The following ZFHX4 variants were observed in gnomAD, a reference collection of about 807,000 sequenced individuals.
ZFHX4 encodes the protein zinc finger homeobox protein 4.
In ZFHX4, 56 loss-of-function variants were observed where a neutral mutation model predicts 267.6. The ratio of observed to expected loss-of-function variants is 0.21; its 90% confidence interval spans 0.17 to 0.26. ZFHX4 has a LOEUF of 0.26. Ranked by LOEUF, ZFHX4 falls within the 10% of genes least tolerant of loss-of-function variation. The pLI, the probability that ZFHX4 is intolerant of heterozygous loss-of-function variation, is 1.00. For synonymous variants in ZFHX4, 1,778 were observed against 1,665.6 expected (o/e 1.07, Z -1.64); for missense variants, 4,332 against 4,420.0 (o/e 0.98, Z 0.56).
At position 76,681,359 on chromosome 8, in the gene ZFHX4, C is replaced by T; in HGVS notation, c.-308C>T. 2.5e-6 allele frequency: 1 copy of T among 398,890 alleles called. No individual in the cohort carries two copies. 24.7% of individuals were successfully genotyped at this position (398,890 alleles called of 1,614,324 possible). ...ATTTTCATTTCCTTTCCTCCTTTTC[C>T]CAACCCCTTCACAACCAAACAGCGA... On this transcript the variant is annotated 5_prime_UTR_variant, in exon 1 of 11. Transcript: ENST00000651372.
Position 76,851,664 on chromosome 8 carries a change from A to C in ZFHX4, c.4743A>C (p.Pro1581=), listed in dbSNP as rs1812526217. ...TGCAGGAAGCCTCCAGTCCTGTCCC[A>C]CAAGAAACCAACAGCAACACAGATA... ...KVLQEASSPV[P]QETNSNTDNK... Residue 1581 remains proline, a synonymous_variant, in exon 10 of 11, where the codon CCA becomes CCC. Transcript: ENST00000651372. The C allele has an allele frequency of 1.2e-6, 2 of 1,613,814 alleles. No homozygotes were observed. Among genetic ancestry groups the C allele is most frequent in the South Asian group, 2.2e-5 (2 of 91,092 alleles).
At chr8:76,847,323 T>A (rs1268474297) in intron 6 of ZFHX4, among the ~76,000 whole-genome samples, 4 of 152,142 alleles carry the variant, frequency 2.6e-5, no homozygotes. Flanking sequence ...CGATATCAAA[T>A]ACTTGGGCAT....
intron 4 of ZFHX4, among the ~76,000 whole-genome samples, chr8:76,792,000 A>G (rs1405852431): frequency 6.6e-6 from 1 of 152,152 alleles, no homozygotes; most frequent in Non-Finnish European, 1.5e-5. Context: ...TAAAATTTGA[A>G]TTGTATTTTT....
chr8:76,728,281 G>A (rs952695963), intron 3 of ZFHX4, among the ~76,000 whole-genome samples: 16 of 152,142 alleles, frequency 1.1e-4, no homozygotes, highest in African/African-American at 3.6e-4. Flanking sequence ...ATGTTGTGGA[G>A]GTGGAGGATA....
At chr8:76,766,041 G>T (rs536792633) in intron 3 of ZFHX4, among the ~76,000 whole-genome samples, 1 of 151,658 alleles carries the variant, frequency 6.6e-6, no homozygotes, top group East Asian at 2.0e-4. Context: ...AATATCCTTC[G>T]GTGATAGAAG....
intron 3 of ZFHX4, among the ~76,000 whole-genome samples, chr8:76,722,135 G>C (rs1044050318): frequency 3.3e-5 from 5 of 151,918 alleles, no homozygotes; most frequent in Non-Finnish European, 7.4e-5. Flanking sequence ...GATTGACATG[G>C]GTATGATGAG....
chr8:76,835,209 G>GTA (rs1554572124), intron 5 of ZFHX4, among the ~76,000 whole-genome samples: 1 of 46,508 alleles, frequency 2.2e-5, no homozygotes, highest in Non-Finnish European at 3.6e-5. Flanking sequence ...TTGCTTTGGT[G>GTA]TATATATATG....
At chr8:76,686,127 C>T (rs573047946) in intron 1 of ZFHX4, among the ~76,000 whole-genome samples, 7 of 152,266 alleles carry the variant, frequency 4.6e-5, no homozygotes, top group Admixed American at 2.0e-4. Flanking sequence ...GACCAAGTTC[C>T]GCACAGCTGC....
chr8:76,754,265 A>G (rs1246231958), intron 3 of ZFHX4, among the ~76,000 whole-genome samples: 2 of 152,110 alleles, frequency 1.3e-5, no homozygotes, highest in Non-Finnish European at 2.9e-5. Flanking sequence ...AGAATGGTGG[A>G]TTGCCTGAGG....
intron 4 of ZFHX4, among the ~76,000 whole-genome samples, chr8:76,809,181 G>A (rs1013678000): frequency 6.6e-6 from 1 of 152,072 alleles, no homozygotes; most frequent in Non-Finnish European, 1.5e-5. Context: ...ATAGTCTTTA[G>A]TACTTTTATG....
chr8:76,760,728 G>GTATATCCAATT (rs1809888332), intron 3 of ZFHX4, among the ~76,000 whole-genome samples: 1 of 151,944 alleles, frequency 6.6e-6, no homozygotes, highest in African/African-American at 2.4e-5. Flanking sequence ...AGGAGTTCCA[G>GTATATCCAATT]ACCAGCCTGG....
intron 3 of ZFHX4, among the ~76,000 whole-genome samples, chr8:76,745,225 A>G (rs1373919364): frequency 1.3e-5 from 2 of 152,180 alleles, no homozygotes; most frequent in Admixed American, 1.3e-4. Flanking sequence ...AGAATGCTCT[A>G]TGACCCTCCC....
chr8:76,806,011 A>G (rs115693583), intron 4 of ZFHX4, among the ~76,000 whole-genome samples: 160 of 152,268 alleles, frequency 1.1e-3, no homozygotes, highest in African/African-American at 3.7e-3. Flanking sequence ...TAAACACTAC[A>G]AAAGCAGATC....
At chr8:76,840,012 T>C (rs1024094738) in intron 5 of ZFHX4, among the ~76,000 whole-genome samples, 1 of 152,180 alleles carries the variant, frequency 6.6e-6, no homozygotes, top group African/African-American at 2.4e-5. Context: ...ATATGAAACT[T>C]TATGGTGTGT....
intron 4 of ZFHX4, among the ~76,000 whole-genome samples, chr8:76,812,484 T>C (rs1811402185): frequency 6.6e-6 from 1 of 152,202 alleles, no homozygotes; most frequent in African/African-American, 2.4e-5. Context: ...TGGATTTCAG[T>C]ACAAGTATAT....
chr8:76,717,345 A>C (rs1808602744), intron 3 of ZFHX4, among the ~76,000 whole-genome samples: 2 of 152,172 alleles, frequency 1.3e-5, no homozygotes, highest in South Asian at 4.1e-4. Flanking sequence ...TAAAGCCCAA[A>C]GTCTTGATAG....
chr8:76,717,657 C>T (rs187091911), intron 3 of ZFHX4, among the ~76,000 whole-genome samples: 2 of 152,252 alleles, frequency 1.3e-5, no homozygotes. Context: ...AGTTCAGTGG[C>T]GTGATCACTG....
At chr8:76,755,887 G>A (rs1475668019) in intron 3 of ZFHX4, among the ~76,000 whole-genome samples, 1 of 152,056 alleles carries the variant, frequency 6.6e-6, no homozygotes, top group Non-Finnish European at 1.5e-5. Context: ...GATAATATGA[G>A]AGAGGTCATT....
chr8:76,762,578 G>A (rs1053397506), intron 3 of ZFHX4, among the ~76,000 whole-genome samples: 22 of 152,112 alleles, frequency 1.4e-4, no homozygotes, highest in Admixed American at 1.4e-3. Context: ...AAATGAATAT[G>A]TTTTCCTAAA....
Sources: gnomAD v4.1 joint callset for allele counts (sites outside exome capture counted in the v4.1 genomes callset) on GRCh38, gnomAD v4.1.1 for gene constraint, MANE v1.5 for transcripts, NCBI Gene and HGNC (gene_info 2026-07-23, HGNC 2026-07-21) for gene names.